KIAA0319L: variants seen among roughly 807,000 people sequenced by gnomAD.
KIAA0319L encodes the protein KIAA0319 like.
A neutral mutation model predicts 120.1 loss-of-function variants in KIAA0319L; 55 were observed. That is an observed-to-expected ratio of 0.46 (90% CI 0.37 to 0.57). The LOEUF (loss-of-function observed/expected upper bound fraction) is 0.57, where lower values mean the gene tolerates loss of function less well. KIAA0319L is among the 20% of genes least tolerant of loss of function. The pLI, the probability that KIAA0319L is intolerant of heterozygous loss-of-function variation, is 0.00. For synonymous variants in KIAA0319L, 398 were observed against 471.9 expected (o/e 0.84, Z 2.03); for missense variants, 1,049 against 1,255.3 (o/e 0.84, Z 2.48).
chr1:35,468,418 T>G (rs930612651), intron 6 of KIAA0319L, among the ~76,000 whole-genome samples: 15 of 152,200 alleles, frequency 9.9e-5, no homozygotes, highest in African/African-American at 3.6e-4. Context: ...AAATCATCTA[T>G]TTGAGGTTGA....
chr1:35,456,159 C>T lies in KIAA0319L; in HGVS notation c.1510G>A (p.Val504Met), dbSNP rs1357870475. The T allele has an allele frequency of 1.2e-6, 2 of 1,613,648 alleles. No individual in the cohort carries two copies. Among genetic ancestry groups the T allele is most frequent in the Non-Finnish European group, 1.7e-6 (2 of 1,179,812 alleles). ...ACTTGGTTGGGGCCTGCGTTGGCCA[C>T]AGGGGGGTAATCCACAGCTTTGTTC... ...TVNKAVDYPP[V>M]ANAGPNQVIT... Residue 504 changes from valine to methionine, a missense_variant, in exon 10 of 21, where the codon GTG becomes ATG. By Grantham distance (21) the Val-to-Met change is conservative (BLOSUM62 1). Coordinates refer to ENST00000325722, the MANE Select transcript of KIAA0319L (RefSeq NM_024874.5).
Position 35,456,919 on chromosome 1 carries a change from G to T in KIAA0319L, c.1428-678C>A, listed in dbSNP as rs980088985. Among the ~76,000 whole-genome samples, 11 of 94,570 alleles carry T rather than the reference G, an allele frequency of 1.2e-4. No homozygotes were observed. In the Admixed American group the frequency reaches 1.2e-3, roughly 11 times the overall value. 62.0% of individuals were successfully genotyped at this position (94,570 alleles called of 152,430 possible). ...GGGAGGGAAAGAAGGAAGGAATGAA[G>T]GAAGGAAGGAAGGAAGGAAGGAAGG... On this transcript the variant is annotated intron_variant, in intron 9 of 20. Coordinates refer to ENST00000325722, the MANE Select transcript of KIAA0319L (RefSeq NM_024874.5).
chr1:35,527,500 G>A lies in KIAA0319L; in HGVS notation c.143-20365C>T, dbSNP rs140350389. On this transcript the variant is annotated intron_variant, in intron 2 of 20. Transcript: ENST00000325722. ...AGTATTAGTTCCTGCTTATTAGTCC[G>A]GTAGAATTTGACAGTAAAGCCATCA... is the stretch of plus-strand genomic sequence containing the variant. Among the ~76,000 whole-genome samples the A allele has an allele frequency of 2.7e-3, 410 of 152,256 alleles. 4 individuals carry two copies. Among genetic ancestry groups the A allele is most frequent in the African/African-American group, 9.3e-3 (388 of 41,552 alleles).
At chr1:35,448,836 G>C (rs1641834758) in intron 15 of KIAA0319L, among the ~76,000 whole-genome samples, 1 of 152,158 alleles carries the variant, frequency 6.6e-6, no homozygotes, top group African/African-American at 2.4e-5. Context: ...TTTAAATACA[G>C]TTAACAAAAG....
intron 6 of KIAA0319L, among the ~76,000 whole-genome samples, 186 bp downstream of exon 6, chr1:35,470,677 C>A (rs975936822): frequency 2.0e-5 from 3 of 152,062 alleles, no homozygotes; most frequent in Non-Finnish European, 4.4e-5. Context: ...AGTCTTCTTA[C>A]CATAAATGAA....
At chr1:35,484,119 A>G (rs999081994) in intron 3 of KIAA0319L, among the ~76,000 whole-genome samples, 7 of 152,248 alleles carry the variant, frequency 4.6e-5, no homozygotes, top group African/African-American at 1.7e-4. Context: ...ATAAGGTCAC[A>G]TGCTGAGGTT....
intron 2 of KIAA0319L, among the ~76,000 whole-genome samples, chr1:35,512,892 A>AG (rs1553217784): frequency 3.7e-4 from 55 of 150,118 alleles, no homozygotes; most frequent in African/African-American, 1.3e-3. Context: ...AAAAAAAAAA[A>AG]GAATGAAAGA....
chr1:35,512,388 A>G (rs1645487115), intron 2 of KIAA0319L, among the ~76,000 whole-genome samples: 1 of 151,790 alleles, frequency 6.6e-6, no homozygotes, highest in Non-Finnish European at 1.5e-5. Context: ...GAAAAAAAAG[A>G]GTAAATTAAA....
intron 2 of KIAA0319L, among the ~76,000 whole-genome samples, chr1:35,524,907 T>TA (rs1022542536): frequency 6.6e-6 from 1 of 152,182 alleles, no homozygotes; most frequent in Non-Finnish European, 1.5e-5. Flanking sequence ...TAACTATAGT[T>TA]ACCCTACTCT....
chr1:35,448,452 T>G, intron 15 of KIAA0319L, 120 bp from the exon 16 acceptor site: 1 of 976,460 alleles, frequency 1.0e-6, no homozygotes, highest in Non-Finnish European at 1.6e-6. Context: ...ATCCTTCAAA[T>G]GGAAAGGGAC....
At chr1:35,479,316 A>C in intron 3 of KIAA0319L, 104 bp from the exon 4 acceptor site, 1 of 823,042 alleles carries the variant, frequency 1.2e-6, no homozygotes, top group Non-Finnish European at 1.9e-6. Context: ...GAAAAATGCA[A>C]AAATATCAAA....
Position 35,453,354 on chromosome 1 carries a change from GGCAA to G in KIAA0319L, c.1913+199_1913+202del, listed in dbSNP as rs2149093145. The stretch of plus-strand genomic sequence containing the variant: ...CAGTACTACCTGGGGACTAGTTGAT[GGCAA>G]GCATTCTTTTTTTCTTACAAAAATT... On this transcript the variant is annotated intron_variant, in intron 12 of 20. Transcript: ENST00000325722. The surrounding 1 kb of genome is among the most constrained non-coding windows in gnomAD (Gnocchi z 4.1). Among the ~76,000 whole-genome samples, 1 of 152,166 alleles carries G rather than the reference GGCAA, an allele frequency of 6.6e-6. No homozygotes were observed. The highest frequency in any genetic ancestry group is 2.4e-5 in the African/African-American group (1 of 41,496).
chr1:35,495,140 A>G (rs1644751931), intron 3 of KIAA0319L, among the ~76,000 whole-genome samples: 1 of 152,164 alleles, frequency 6.6e-6, no homozygotes, highest in African/African-American at 2.4e-5. Context: ...TGAGAGGACG[A>G]GGCAGGTGGA....
At chr1:35,514,351 C>T (rs566570483) in intron 2 of KIAA0319L, among the ~76,000 whole-genome samples, 11 of 148,828 alleles carry the variant, frequency 7.4e-5, no homozygotes, top group African/African-American at 2.8e-4. Flanking sequence ...AAAGTATCAT[C>T]GATGCTAGGG....
intron 13 of KIAA0319L, 143 bp from the exon 14 acceptor site, chr1:35,450,652 C>G (rs778205169): frequency 5.7e-5 from 42 of 730,672 alleles, no homozygotes; most frequent in Admixed American, 1.8e-4. Context: ...CACCAACCAA[C>G]AGTGTAGATG....
chr1:35,478,110 G>T (rs868212786), intron 4 of KIAA0319L, among the ~76,000 whole-genome samples: 83 of 152,284 alleles, frequency 5.5e-4, no homozygotes, highest in African/African-American at 2.0e-3. Flanking sequence ...AACATGGATG[G>T]AACTGGAGGT....
intron 4 of KIAA0319L, among the ~76,000 whole-genome samples, chr1:35,476,609 AAAAG>A (rs1643903945): frequency 6.6e-6 from 1 of 152,228 alleles, no homozygotes; most frequent in African/African-American, 2.4e-5. Flanking sequence ...TCAAAAAAAG[AAAAG>A]AAAGAAACAT....
chr1:35,469,872 C>T (rs1643504703), intron 6 of KIAA0319L, among the ~76,000 whole-genome samples: 1 of 151,910 alleles, frequency 6.6e-6, no homozygotes, highest in African/African-American at 2.4e-5. Context: ...CCAAAGAATA[C>T]AAACTTTTTT....
chr1:35,457,619 G>A (rs1438809930), intron 9 of KIAA0319L, among the ~76,000 whole-genome samples: 1 of 152,198 alleles, frequency 6.6e-6, no homozygotes, highest in East Asian at 1.9e-4. Context: ...CAAAATGTGA[G>A]CATAAGCAAG....
Sources: allele counts gnomAD v4.1 joint callset (sites outside exome capture counted in the v4.1 genomes callset), GRCh38; gene constraint gnomAD v4.1.1; non-coding constraint Gnocchi (gnomAD v3.1); transcripts MANE v1.5; gene names NCBI Gene and HGNC (gene_info 2026-07-23, HGNC 2026-07-21).